The following GNAO1 variants were observed in gnomAD, a reference collection of about 807,000 sequenced individuals.
GNAO1 encodes guanine nucleotide-binding protein G(o) subunit alpha.
For missense variants in GNAO1, 166 were observed against 478.7 expected (o/e 0.35, Z 6.10); for synonymous variants, 164 against 180.7 (o/e 0.91, Z 0.74).
intron 2 of GNAO1, 37 bp from the exon 3 acceptor site, chr16:56,275,894 G>T (rs748368535): frequency 9.5e-6 from 15 of 1,583,176 alleles, no homozygotes; most frequent in Non-Finnish European, 1.2e-5. Context: ...TGAGGACAAT[G>T]CTCTCATCAG....
At chr16:56,250,309 C>T (rs1191110968) in intron 2 of GNAO1, among the ~76,000 whole-genome samples, 3 of 152,188 alleles carry the variant, frequency 2.0e-5, no homozygotes, top group African/African-American at 4.8e-5. Context: ...TTAAAAACCA[C>T]AGATCTAGAA....
intron 4 of GNAO1, among the ~76,000 whole-genome samples, chr16:56,331,115 G>C (rs1161449833): frequency 1.3e-5 from 2 of 152,242 alleles, no homozygotes; most frequent in East Asian, 3.9e-4. Flanking sequence ...GCCACAGCAC[G>C]TGCTTCCAGG....
At chr16:56,270,445 C>CAT (rs1173164669) in intron 2 of GNAO1, 3 of 152,012 alleles carry the variant, frequency 2.0e-5, no homozygotes, top group East Asian at 1.9e-4. Context: ...CACACACACA[C>CAT]ATAACACACA....
chr16:56,260,215 G>A (rs1478465), intron 2 of GNAO1, among the ~76,000 whole-genome samples: 69,265 of 151,930 alleles, frequency 0.46, 15,935 homozygotes, highest in East Asian at 0.59. Context: ...GTTCTCCCAG[G>A]CCCAGCTCTC....
chr16:56,258,976 T>C (rs1304305563), intron 2 of GNAO1, among the ~76,000 whole-genome samples: 1 of 152,240 alleles, frequency 6.6e-6, no homozygotes, highest in Non-Finnish European at 1.5e-5. Flanking sequence ...CCCTTTGTTC[T>C]TTATGGAAAG....
At chr16:56,264,765 GTAT>G (rs1163704952) in intron 2 of GNAO1, among the ~76,000 whole-genome samples, 10 of 148,032 alleles carry the variant, frequency 6.8e-5, no homozygotes, top group South Asian at 4.2e-4. Context: ...TTTTAATATA[GTAT>G]TATTACTAAT....
intron 2 of GNAO1, among the ~76,000 whole-genome samples, chr16:56,254,020 T>TA (rs2036823354): frequency 6.8e-6 from 1 of 148,140 alleles, no homozygotes; most frequent in Admixed American, 6.7e-5. Context: ...TGCCCTTCCA[T>TA]AAAATTTTTT....
At chr16:56,286,731 GTA>G (rs773842748) in intron 3 of GNAO1, among the ~76,000 whole-genome samples, 14 of 128,644 alleles carry the variant, frequency 1.1e-4, no homozygotes, top group East Asian at 2.3e-4. Context: ...GTGTGTGTGT[GTA>G]TGTGTGTATC....
intron 3 of GNAO1, among the ~76,000 whole-genome samples, chr16:56,277,808 CA>C: frequency 6.7e-6 from 1 of 149,862 alleles, no homozygotes; most frequent in Non-Finnish European, 1.5e-5. Context: ...CACACACACA[CA>C]CACACACACA....
intron 3 of GNAO1, among the ~76,000 whole-genome samples, chr16:56,314,087 C>A (rs1349945419): frequency 1.3e-5 from 2 of 152,302 alleles, no homozygotes; most frequent in Non-Finnish European, 2.9e-5. Context: ...TTACACAGAT[C>A]TGAATGTTGA....
At chr16:56,195,074 CTTTTT>C (rs76130140) in intron 2 of GNAO1, among the ~76,000 whole-genome samples, 1 of 93,594 alleles carries the variant, frequency 1.1e-5, no homozygotes, top group Non-Finnish European at 2.1e-5. Flanking sequence ...TTTACTTCTC[CTTTTT>C]TTTTTTTTTT....
intron 2 of GNAO1, among the ~76,000 whole-genome samples, chr16:56,267,335 C>A (rs1444079789): frequency 6.6e-6 from 1 of 152,190 alleles, no homozygotes; most frequent in African/African-American, 2.4e-5. Flanking sequence ...CAATGGAAGC[C>A]TCCCTCAGGA....
intron 2 of GNAO1, among the ~76,000 whole-genome samples, chr16:56,240,907 G>A (rs1340117594): frequency 2.6e-5 from 4 of 152,194 alleles, no homozygotes; most frequent in African/African-American, 9.6e-5. Context: ...CCCCGATGGA[G>A]AAGGAGAAGG....
chr16:56,265,841 A>G, intron 2 of GNAO1, among the ~76,000 whole-genome samples: 1 of 152,152 alleles, frequency 6.6e-6, no homozygotes, highest in Non-Finnish European at 1.5e-5. Context: ...AATTTTGAGT[A>G]GTACATTAGC....
intron 2 of GNAO1, among the ~76,000 whole-genome samples, chr16:56,214,866 C>T (rs1259167610): frequency 6.6e-6 from 1 of 152,276 alleles, no homozygotes; most frequent in African/African-American, 2.4e-5. Flanking sequence ...CTGCCATCAC[C>T]TCCCAGCCTT....
At chr16:56,265,238 T>C (rs2036940876) in intron 2 of GNAO1, among the ~76,000 whole-genome samples, 3 of 152,236 alleles carry the variant, frequency 2.0e-5, no homozygotes, top group African/African-American at 2.4e-5. Context: ...ACTAAGCAGC[T>C]AATAGAACCC....
chr16:56,341,929 A>G (rs1199498898), intron 6 of GNAO1, among the ~76,000 whole-genome samples: 1 of 152,212 alleles, frequency 6.6e-6, no homozygotes, highest in African/African-American at 2.4e-5. Context: ...GCAGGGGCAG[A>G]CAGAGTCCCA....
At chr16:56,220,570 T>TA (rs144746570) in intron 2 of GNAO1, among the ~76,000 whole-genome samples, 11,985 of 152,254 alleles carry the variant, frequency 0.079, 515 homozygotes, top group African/African-American at 0.092. Context: ...TTTTTTAATT[T>TA]AAAAAACAAA....
At chr16:56,348,196 C>T (rs1182408409) in intron 6 of GNAO1, 4 of 984,698 alleles carry the variant, frequency 4.1e-6, no homozygotes, top group Admixed American at 6.1e-5. Flanking sequence ...TGCCCGCTTT[C>T]CTAGCGTGAG....
Sources: allele counts gnomAD v4.1 joint callset (sites outside exome capture counted in the v4.1 genomes callset), GRCh38; gene constraint gnomAD v4.1.1; transcripts MANE v1.5; gene names NCBI Gene and HGNC (gene_info 2026-07-23, HGNC 2026-07-21).